Variants in EPHA10 observed in about 807,000 individuals in gnomAD.
EPHA10 encodes ephrin type-A receptor 10.
Under a neutral mutation model 109.7 loss-of-function variants are expected in EPHA10, and 120 were observed. The observed-to-expected ratio is 1.09, with a 90% CI of 0.94 to 1.27. The LOEUF is 1.27. EPHA10 is among the 50% of genes most tolerant of loss of function. The pLI is 0.00. For missense variants in EPHA10, 1,396 were observed against 1,411.1 expected, an observed-to-expected ratio of 0.99 and a Z score of 0.17; for synonymous variants, 640 against 618.9, an observed-to-expected ratio of 1.03 and a Z score of -0.51.
chr1:37,741,717 T>C (rs371175404), intron 5 of EPHA10, among the ~76,000 whole-genome samples: 15 of 148,690 alleles, frequency 1.0e-4, no homozygotes, highest in African/African-American at 3.5e-4. Flanking sequence ...TAAAAATAAC[T>C]CAAAAAAATC....
rs1261014061 is a variant in EPHA10 at position 37,753,699 on chromosome 1, AGCAGGGGTGAGTGGGAGCAGGGGCGAGCG to A, written c.1006+487_1007-474del. Among the ~76,000 whole-genome samples the A allele has an allele frequency of 1.5e-3, 127 of 84,880 alleles. 4 individuals carry two copies. The South Asian group carries it at 0.051, about 34-fold the overall frequency. The allele number at this position is 84,880 out of a possible 152,430, so 55.7% of individuals were successfully genotyped here. ...GTGAGTGGGAGCAGGGGCGAGCGGG[AGCAGGGGTGAGTGGGAGCAGGGGCGAGCG>A]GGAGGAGGGGCTTGCCCCGGGAAGG... is the stretch of plus-strand genomic sequence containing the variant. On this transcript the variant is annotated intron_variant, in intron 4 of 16. Transcript: ENST00000373048.
intron 8 of EPHA10, among the ~76,000 whole-genome samples, chr1:37,726,870 C>T (rs749955745): frequency 3.9e-5 from 6 of 152,220 alleles, no homozygotes; most frequent in African/African-American, 7.2e-5. Context: ...TGAGTTAAGG[C>T]GCTAAATCCC....
Position 37,719,724 on chromosome 1 carries a change from A to G in EPHA10, c.2563-117T>C, listed in dbSNP as rs78866494. 2.8e-3 allele frequency: 3,938 copies of G among 1,401,220 alleles called. 110 individuals are homozygous for G. The African/African-American group carries it at 0.051, about 18-fold the overall frequency. 86.8% of individuals were successfully genotyped at this position (1,401,220 alleles called of 1,614,324 possible). ...CACACACACACACATGCGCACACACAGACACAGACACACACACACACACCC... is the reference window on the plus strand; with the variant it reads ...CACACACACACACATGCGCACACACGGACACAGACACACACACACACACCC... On this transcript the variant is annotated intron_variant, in intron 14 of 16. Coordinates refer to ENST00000373048, the MANE Select transcript of EPHA10 (RefSeq NM_001099439.2).
Position 37,758,156 on chromosome 1 carries a change from A to G in EPHA10, c.850+3249T>C, listed in dbSNP as rs1646404872. Among the ~76,000 whole-genome samples the G allele has an allele frequency of 3.9e-5, 6 of 152,152 alleles. No homozygotes were observed. In the South Asian group the frequency reaches 1.2e-3, roughly 32 times the overall value. On this transcript the variant is annotated intron_variant, in intron 3 of 16. Coordinates refer to ENST00000373048, the MANE Select transcript of EPHA10 (RefSeq NM_001099439.2). ...TGTAAAAACAATAATAAAACTGACT[A>G]AAATCTGGCCTGCTTTTTTATTAGC...
chr1:37,762,161 C>T lies in EPHA10; in HGVS notation c.172-78G>A. On this transcript the variant is annotated intron_variant, in intron 2 of 16. Coordinates refer to ENST00000373048, the MANE Select transcript of EPHA10 (RefSeq NM_001099439.2). ...GGTGGAGCGCTAGCAGTGACTCCTG[C>T]TTTCTCTCTCATGCACCATGCACAC... is the stretch of plus-strand genomic sequence containing the variant. 8 of 1,366,102 alleles carry T rather than the reference C, an allele frequency of 5.9e-6. No homozygotes were observed. In the South Asian group the frequency reaches 1.1e-4, roughly 19 times the overall value. The allele number at this position is 1,366,102 out of a possible 1,614,324, so 84.6% of individuals were successfully genotyped here. A position where few individuals can be genotyped will look rare whatever the true frequency, so the allele number is the denominator to read the frequency against.
At chr1:37,763,219 C>T (rs1167675659) in intron 1 of EPHA10, among the ~76,000 whole-genome samples, 1 of 152,118 alleles carries the variant, frequency 6.6e-6, no homozygotes, top group East Asian at 1.9e-4. Flanking sequence ...CTTTTGGAGG[C>T]TCTGAGGGGA....
At chr1:37,720,915 C>A (rs866032570) in intron 11 of EPHA10, 71 bp from the exon 12 acceptor site, 64 of 1,525,182 alleles carry the variant, frequency 4.2e-5, no homozygotes, top group Non-Finnish European at 5.6e-5. Flanking sequence ...GTTTCCCCCC[C>A]AGGGTCCCAG....
Position 37,753,024 on chromosome 1 carries a change from T to C in EPHA10, c.1209A>G (p.Ala403=), listed in dbSNP as rs923611807. Residue 403 remains alanine (A), a synonymous_variant, in exon 5 of 17, where the codon GCA becomes GCG. Transcript: ENST00000373048. ...GCGTGGCGGCTCGCTCCCGCAGCCC[T>C]GCCTGGCGCGGTAGGAAGGCCACGC... ...GPRVAFLPRQ[A]GLRERAATLL... 1 of 1,231,026 alleles carries C rather than the reference T, an allele frequency of 8.1e-7. No homozygotes were observed. The highest frequency in any genetic ancestry group is 1.0e-6 in the Non-Finnish European group (1 of 988,672). The allele number at this position is 1,231,026 out of a possible 1,614,324, so 76.3% of individuals were successfully genotyped here. A position where few individuals can be genotyped will look rare whatever the true frequency, so the allele number is the denominator to read the frequency against.
At position 37,754,341 on chromosome 1, in the gene EPHA10, G is replaced by A. The variant is rs1047729382; in HGVS notation, c.880C>T (p.Pro294Ser). 4 of 1,308,074 alleles carry A rather than the reference G, an allele frequency of 3.1e-6. No individual in the cohort carries two copies. The highest frequency in any genetic ancestry group is 4.1e-5 in the Admixed American group (1 of 24,338). 81.0% of individuals were successfully genotyped at this position (1,308,074 alleles called of 1,614,324 possible). The change falls in exon 4 of 17, where the codon CCG (proline) becomes TCG (serine). Residue 294 changes from proline (P) to serine (S), a missense_variant. Transcript: ENST00000373048. This position sits in a 1 kb window ranked among gnomAD's most constrained non-coding sequence, Gnocchi z 4.5. ...CACGGTGAGCAGAGGGGCCGCCGCG[G>A]GGACACCTTGTAAAACCCTGGGGGA... ...ACPPGFYKVS[P>S]RRPLCSPCPE...
In EPHA10 at chr1:37,719,975, G is replaced by A. The variant is rs2170809; in HGVS notation, c.2496C>T (p.Phe832=). Residue 832 remains phenylalanine (F), a synonymous_variant, in exon 14 of 17, where the codon TTC becomes TTT. Coordinates refer to ENST00000373048, the MANE Select transcript of EPHA10 (RefSeq NM_001099439.2). ...CCATCACCTCCCACATGATGATGCCGAAGCTCCACACGTCACTGGCAGAGC... is the reference window on the plus strand; with the variant it reads ...CCATCACCTCCCACATGATGATGCCAAAGCTCCACACGTCACTGGCAGAGC... ...HFSSASDVWS[F]GIIMWEVMAF... The A allele has an allele frequency of 0.085, 136,544 of 1,614,000 alleles. 6,320 individuals are homozygous for A. The highest frequency in any genetic ancestry group is 0.11 in the Middle Eastern group (639 of 6,062).
intron 6 of EPHA10, among the ~76,000 whole-genome samples, chr1:37,733,065 G>GT (rs1191799623): frequency 2.0e-5 from 3 of 148,920 alleles, no homozygotes; most frequent in Non-Finnish European, 4.5e-5. Context: ...GCTAATTTTT[G>GT]TTTTTTTAAT....
intron 3 of EPHA10, chr1:37,760,215 G>A: frequency 2.1e-6 from 2 of 953,832 alleles, no homozygotes; most frequent in South Asian, 4.9e-5. Flanking sequence ...AGCTTCTTGA[G>A]AGCTAGGACT....
intron 1 of EPHA10, among the ~76,000 whole-genome samples, chr1:37,763,957 T>C (rs1221512158): frequency 3.3e-5 from 5 of 152,160 alleles, no homozygotes; most frequent in Non-Finnish European, 7.4e-5. Context: ...CTATGACCCT[T>C]CCTACCAGAG....
chr1:37,740,037 C>T (rs1032522545), intron 5 of EPHA10, among the ~76,000 whole-genome samples: 1 of 151,916 alleles, frequency 6.6e-6, no homozygotes, highest in Non-Finnish European at 1.5e-5. Context: ...AAGGCTGCCA[C>T]TGCACTCCAG....
At position 37,753,072 on chromosome 1, in the gene EPHA10, GC is replaced by G; in HGVS notation, c.1160del (p.Gly387AlafsTer121). 7.8e-7 allele frequency: 1 copy of G among 1,281,632 alleles called. No homozygotes were observed. The highest frequency in any genetic ancestry group is 9.8e-7 in the Non-Finnish European group (1 of 1,015,426). The allele number at this position is 1,281,632 out of a possible 1,614,324, so 79.4% of individuals were successfully genotyped here. The part of the protein sequence containing the change: ...CLRCGREGPA[G>X]ACEPCGPRVA... ...CGCGCGGCCCGCACGGCTCGCAGGC[GC>G]CCGCCGGGCCCTCGCGGCCGCAGCG... On this transcript the variant is annotated frameshift_variant, in exon 5 of 17. Coordinates refer to ENST00000373048, the MANE Select transcript of EPHA10 (RefSeq NM_001099439.2). LOFTEE classifies it high-confidence loss of function.
Position 37,718,391 on chromosome 1 carries a change from C to T in EPHA10, c.3008G>A (p.Gly1003Asp). The T allele has an allele frequency of 6.2e-7, 1 of 1,606,282 alleles. No individual in the cohort carries two copies. Among genetic ancestry groups the T allele is most frequent in the Non-Finnish European group, 8.5e-7 (1 of 1,176,450 alleles). ...ALQARVLQLQ[G>D]QGVQV ...GTCCACTCACACCTGCACCCCCTGG[C>T]CCTGCAGCTGGAGCACTCGTGCCTG... The change falls in exon 17 of 17, where the codon GGC (glycine) becomes GAC (aspartate). Residue 1003 changes from glycine to aspartate, a missense_variant. Gly to Asp is a moderately conservative substitution (Grantham distance 94, BLOSUM62 -1). Transcript: ENST00000373048.
At position 37,721,844 on chromosome 1, in the gene EPHA10, C is replaced by T. The variant is rs1416066405; in HGVS notation, c.1962G>A (p.Gly654=). 1 of 1,581,490 alleles carries T rather than the reference C, an allele frequency of 6.3e-7. No individual in the cohort carries two copies. Among genetic ancestry groups the T allele is most frequent in the Non-Finnish European group, 8.6e-7 (1 of 1,161,080 alleles). ...SVTLERSLGG[G]RFGELCCGCL... ...AGCCACAGCACAGCTCCCCAAACCG[C>T]CCTGTGGGGAAACAGCACCTCAGAT... The change falls in exon 11 of 17, where the codon GGG becomes GGA. Residue 654 remains glycine (G), a splice_region_variant and synonymous_variant. Coordinates refer to ENST00000373048, the MANE Select transcript of EPHA10 (RefSeq NM_001099439.2).
At chr1:37,715,854 C>T (rs570016305), downstream of EPHA10, 1 of 544,772 alleles carries the variant, frequency 1.8e-6, no homozygotes, top group Non-Finnish European at 3.6e-6. Context: ...GTTGGACTCA[C>T]CTCTATGCAG....
chr1:37,724,020 T>C (rs541929541), intron 8 of EPHA10, among the ~76,000 whole-genome samples: 2 of 152,350 alleles, frequency 1.3e-5, no homozygotes, highest in East Asian at 1.9e-4. Context: ...GGAGAGCCCC[T>C]GTGGGGTTGA....
Sources: allele counts gnomAD v4.1 joint callset (sites outside exome capture counted in the v4.1 genomes callset), GRCh38; gene constraint gnomAD v4.1.1; non-coding constraint Gnocchi (gnomAD v3.1); transcripts MANE v1.5; gene names NCBI Gene and HGNC (gene_info 2026-07-23, HGNC 2026-07-21).